The following CYBB variants were observed in gnomAD, a reference collection of about 807,000 sequenced individuals.
The protein encoded by CYBB is cytochrome b-245 beta chain, also known as NADPH oxidase 2.
A neutral mutation model predicts 46.5 loss-of-function variants in CYBB; 5 were observed. The observed-to-expected ratio is 0.11, with a 90% confidence interval of 0.06 to 0.23. The LOEUF (loss-of-function observed/expected upper bound fraction) is 0.23, where lower values mean the gene tolerates loss of function less well. CYBB is among the 10% of genes least tolerant of loss of function. CYBB has a pLI of 1.00. For synonymous variants in CYBB, 183 were observed against 156.7 expected (o/e 1.17, Z -1.26); for missense variants, 307 against 428.3 (o/e 0.72, Z 2.50).
At chrX:37,809,749 C>T (rs1929633865) in intron 12 of CYBB, 58 bp downstream of exon 12, 2 of 1,139,906 alleles carry the variant, frequency 1.8e-6, no homozygotes, top group Admixed American at 4.5e-5. Context: ...AGCGGCAGCC[C>T]CTATACATAT....
intron 3 of CYBB, among the ~76,000 whole-genome samples, chrX:37,787,680 G>A (rs988481553): frequency 9.8e-5 from 11 of 111,973 alleles, no homozygotes; most frequent in Admixed American, 9.5e-4. Flanking sequence ...GTAACTCAAA[G>A]CATATAAATG....
At chrX:37,782,944 TATA>T (rs1259625919) in intron 2 of CYBB, among the ~76,000 whole-genome samples, 5 of 111,855 alleles carry the variant, frequency 4.5e-5, no homozygotes, top group Non-Finnish European at 9.4e-5. Flanking sequence ...ACATTACAAA[TATA>T]ATAATTATAA....
chrX:37,796,256 G>A, intron 6 of CYBB, 115 bp downstream of exon 6: 2 of 663,706 alleles, frequency 3.0e-6, no homozygotes, highest in Non-Finnish European at 2.5e-6. Flanking sequence ...GTCTGCTAAG[G>A]GAATGTGAGA....
At position 37,795,984 on chromosome X, in the gene CYBB, C is replaced by A; in HGVS notation, c.517C>A (p.Leu173Met). ...AGGAGGCCTGTACCTGGCTGTGACCCTGTTGGCAGGCATCACTGGAGTTGT... is the reference window on the plus strand; with the variant it reads ...AGGAGGCCTGTACCTGGCTGTGACCATGTTGGCAGGCATCACTGGAGTTGT... ...PEGGLYLAVTLLAGITGVVIT... is the reference protein window; with the variant it reads ...PEGGLYLAVTMLAGITGVVIT... Residue 173 changes from leucine to methionine, a missense_variant, in exon 6 of 13, where the codon CTG becomes ATG. Physicochemically the swap from Leu to Met is conservative, Grantham distance 15. Around this residue, in one of 3 missense-constraint regions of CYBB, gnomAD observed 103 missense variants for 150.2 expected, o/e 0.69. Coordinates refer to ENST00000378588, the MANE Select transcript of CYBB (RefSeq NM_000397.4). 2 of 1,208,028 alleles carry A rather than the reference C, an allele frequency of 1.7e-6. No homozygotes were observed. Among genetic ancestry groups the A allele is most frequent in the Non-Finnish European group, 2.2e-6 (2 of 893,682 alleles).
chrX:37,797,557 G>A (rs1556468783), intron 6 of CYBB, among the ~76,000 whole-genome samples: 1 of 111,709 alleles, frequency 9.0e-6, no homozygotes, highest in African/African-American at 3.3e-5. Flanking sequence ...CCTGGTCCTG[G>A]CATTGAGAAG....
At chrX:37,810,709 A>G (rs1301082173) in intron 12 of CYBB, 82 bp from the exon 13 acceptor site, 2 of 1,074,545 alleles carry the variant, frequency 1.9e-6, no homozygotes, top group African/African-American at 3.7e-5. Flanking sequence ...TGGGGCCTCA[A>G]ATTAACGGGA....
rs1556471677 is a variant in CYBB at position 37,806,479 on chromosome X, C to A, written c.1407C>A (p.Asn469Lys). 8.3e-7 allele frequency: 1 copy of A among 1,211,017 alleles called. No individual in the cohort carries two copies. Among genetic ancestry groups the A allele is most frequent in the Admixed American group, 2.2e-5 (1 of 45,942 alleles). The part of the protein sequence containing the change: ...QLLESQMQER[N>K]NAGFLSYNIY... The stretch of plus-strand genomic sequence containing the variant: ...TGGAGAGCCAGATGCAGGAAAGGAA[C>A]AATGCCGGCTTCCTCAGCTACAACA... Residue 469 changes from asparagine to lysine, a missense_variant, in exon 11 of 13, where the codon AAC becomes AAA. Physicochemically the swap from Asn to Lys is moderately conservative, Grantham distance 94. This residue lies in a region of CYBB where 122 missense variants were observed against 208.3 expected (regional missense o/e 0.59). Coordinates refer to ENST00000378588, the MANE Select transcript of CYBB (RefSeq NM_000397.4).
Position 37,805,627 on chromosome X carries a change from T to C in CYBB, c.1314+459T>C, listed in dbSNP as rs782773411. On this transcript the variant is annotated intron_variant, in intron 10 of 12. Transcript: ENST00000378588. ...GATGACTTTAAATGATCTCTTCATG[T>C]TCTATTGAGAGGATATTGAATAATT... Among the ~76,000 whole-genome samples the C allele has an allele frequency of 6.3e-5, 7 of 111,743 alleles. No individual in the cohort carries two copies. In the South Asian group the frequency reaches 2.6e-3, roughly 42 times the overall value.
rs782435916 is a variant in CYBB at position 37,783,445 on chromosome X, C to G, written c.142-45C>G. On this transcript the variant is annotated intron_variant, in intron 2 of 12. Transcript: ENST00000378588. ...TGGGGAAGTGGGGACAGGGCATATT[C>G]TGTGCTCAAAAAAGTCACTCTGCTC... 17 of 876,991 alleles carry G rather than the reference C, an allele frequency of 1.9e-5. No individual in the cohort carries two copies. In the South Asian group the frequency reaches 3.4e-4, roughly 18 times the overall value. The allele number at this position is 876,991 out of a possible 1,213,427, so 72.3% of individuals were successfully genotyped here.
chrX:37,785,907 T>A (rs1423329884), intron 3 of CYBB, among the ~76,000 whole-genome samples: 1 of 111,562 alleles, frequency 9.0e-6, no homozygotes, highest in Non-Finnish European at 1.9e-5. Flanking sequence ...CATGTTGTAA[T>A]GCCAGCTTTT....
chrX:37,799,487 A>T (rs1285507222), intron 7 of CYBB, among the ~76,000 whole-genome samples: 2 of 111,538 alleles, frequency 1.8e-5, no homozygotes, highest in Non-Finnish European at 3.8e-5. Flanking sequence ...ACCAGCACAT[A>T]ATACTTTCTA....
At chrX:37,806,896 C>CTCTGTGTGTGTG (rs782587393) in intron 11 of CYBB, among the ~76,000 whole-genome samples, 1 of 106,344 alleles carries the variant, frequency 9.4e-6, no homozygotes, top group African/African-American at 3.5e-5. Context: ...CTCTCTGTCT[C>CTCTGTGTGTGTG]TGTGTGTGTG....
At position 37,783,618 on chromosome X, in the gene CYBB, A is replaced by G. The variant is rs2146804154; in HGVS notation, c.252+18A>G. 1 of 1,069,196 alleles carries G rather than the reference A, an allele frequency of 9.4e-7. No homozygotes were observed. 88.1% of individuals were successfully genotyped at this position (1,069,196 alleles called of 1,213,427 possible). A position where few individuals can be genotyped will look rare whatever the true frequency, so the allele number is the denominator to read the frequency against. The stretch of plus-strand genomic sequence containing the variant: ...CCAGTGCGGTAAGAGAAAATGTTTT[A>G]CTAAGTTCCTCTAATTTTCAAAGGC... On this transcript the variant is annotated intron_variant, in intron 3 of 12. Transcript: ENST00000378588.
Position 37,805,176 on chromosome X carries a change from C to G in CYBB, c.1314+8C>G, listed in dbSNP as rs2146818112. The G allele has an allele frequency of 8.3e-7, 1 of 1,208,907 alleles. No homozygotes were observed. Among genetic ancestry groups the G allele is most frequent in the South Asian group, 1.8e-5 (1 of 56,893 alleles). ...AATCTGAAGCTCAAAAAGGTAAGTCCTTTCATTTATCGGAGGGCCTTAGAG... is the reference window on the plus strand; with the variant it reads ...AATCTGAAGCTCAAAAAGGTAAGTCGTTTCATTTATCGGAGGGCCTTAGAG... On this transcript the variant is annotated splice_region_variant and intron_variant, in intron 10 of 12. Coordinates refer to ENST00000378588, the MANE Select transcript of CYBB (RefSeq NM_000397.4).
chrX:37,789,531 A>T (rs1278218746), intron 3 of CYBB, among the ~76,000 whole-genome samples: 2 of 109,132 alleles, frequency 1.8e-5, no homozygotes, highest in African/African-American at 6.7e-5. Flanking sequence ...GAAAGAAAAT[A>T]AATAAATAAA....
intron 3 of CYBB, among the ~76,000 whole-genome samples, chrX:37,785,763 G>A (rs781792773): frequency 9.0e-6 from 1 of 111,497 alleles, no homozygotes. Context: ...ACCCCCATTA[G>A]AATAGTTTCT....
At chrX:37,805,306 G>C in intron 10 of CYBB, 138 bp downstream of exon 10, 1 of 596,257 alleles carries the variant, frequency 1.7e-6, no homozygotes, top group Admixed American at 2.9e-5. Flanking sequence ...CAGAGAGACA[G>C]GCTTTTCTTC....
In CYBB at chrX:37,806,047, A is replaced by G. The variant is rs35629501; in HGVS notation, c.1315-340A>G. Among the ~76,000 whole-genome samples, 658 of 112,090 alleles carry G rather than the reference A, an allele frequency of 5.9e-3. 4 individuals are homozygous for G. Among genetic ancestry groups the G allele is most frequent in the African/African-American group, 0.02 (618 of 30,861 alleles). On this transcript the variant is annotated intron_variant, in intron 10 of 12. Transcript: ENST00000378588. ...AAGAATTTCTGTGGCAATCCCTGCTAGTCTAGATTCCATCAGGCTTTCTGA... is the reference window on the plus strand; with the variant it reads ...AAGAATTTCTGTGGCAATCCCTGCTGGTCTAGATTCCATCAGGCTTTCTGA...
At chrX:37,786,247 T>C (rs1602176025) in intron 3 of CYBB, among the ~76,000 whole-genome samples, 1 of 111,940 alleles carries the variant, frequency 8.9e-6, no homozygotes, top group African/African-American at 3.2e-5. Context: ...GCATGAAATC[T>C]GCACATCAAA....
Sources: gnomAD v4.1 joint callset for allele counts (sites outside exome capture counted in the v4.1 genomes callset) on GRCh38, gnomAD v4.1.1 for gene constraint, gnomAD v4.1.1 regional missense constraint, MANE v1.5 for transcripts, NCBI Gene and HGNC (gene_info 2026-07-23, HGNC 2026-07-21) for gene names.